The following PVT1 variants were observed in gnomAD, a reference collection of about 807,000 sequenced individuals.
PVT1 encodes CXCR4/PVT1 fusion.
At chr8:128,068,685 G>A (rs898674715) in intron 4 of PVT1, among the ~76,000 whole-genome samples, 22 of 152,010 alleles carry the variant, frequency 1.4e-4, no homozygotes, top group Admixed American at 2.6e-4. Context: ...TAGTAGAAAC[G>A]GTTTCACCAT....
At chr8:127,816,119 G>A (rs887646531) in intron 2 of PVT1, among the ~76,000 whole-genome samples, 3 of 93,260 alleles carry the variant, frequency 3.2e-5, no homozygotes, top group Non-Finnish European at 5.9e-5. Context: ...GTGAGACTCC[G>A]TCTCAACACA....
chr8:127,945,885 C>T (rs984527288), intron 3 of PVT1, among the ~76,000 whole-genome samples: 2 of 143,704 alleles, frequency 1.4e-5, no homozygotes, highest in Non-Finnish European at 3.0e-5. Context: ...TCACCGTCCC[C>T]AGTCAGCTCT....
chr8:127,958,062 A>G (rs1180240803), intron 3 of PVT1, among the ~76,000 whole-genome samples: 3 of 152,212 alleles, frequency 2.0e-5, no homozygotes, highest in African/African-American at 7.2e-5. Context: ...GGTGAGGTGA[A>G]GGGAACACGG....
intron 2 of PVT1, among the ~76,000 whole-genome samples, chr8:127,809,308 C>T (rs780176947): frequency 1.3e-5 from 2 of 152,178 alleles, no homozygotes; most frequent in Non-Finnish European, 2.9e-5. Flanking sequence ...CCTCCCACCT[C>T]AGCCTCCAGA....
At chr8:128,083,476 G>T (rs1421696354) in intron 5 of PVT1, among the ~76,000 whole-genome samples, 1 of 152,154 alleles carries the variant, frequency 6.6e-6, no homozygotes, top group Non-Finnish European at 1.5e-5. Context: ...CACAATGGTG[G>T]TTTCTTTTTG....
intron 2 of PVT1, among the ~76,000 whole-genome samples, chr8:127,816,595 C>G (rs910251782): frequency 2.0e-5 from 3 of 151,244 alleles, no homozygotes; most frequent in Non-Finnish European, 4.4e-5. Context: ...ATGATCTCGG[C>G]TAACTGTAAC....
At chr8:127,984,917 CTTTCTCTTTCTCTT>C (rs1445595517) in intron 3 of PVT1, among the ~76,000 whole-genome samples, 22 of 121,814 alleles carry the variant, frequency 1.8e-4, no homozygotes, top group Non-Finnish European at 2.5e-4. Context: ...TTCTTTCTTT[CTTTCTCTTTCTCTT>C]TCTTTCTTTC....
At chr8:128,060,862 A>G (rs903098787) in intron 4 of PVT1, among the ~76,000 whole-genome samples, 4 of 150,500 alleles carry the variant, frequency 2.7e-5, no homozygotes, top group African/African-American at 9.8e-5. Flanking sequence ...CCCTTTAGAT[A>G]TCACCTCCCA....
chr8:127,850,684 T>C (rs1247459788), intron 2 of PVT1, among the ~76,000 whole-genome samples: 1 of 152,226 alleles, frequency 6.6e-6, no homozygotes. Context: ...ACTGATTGGG[T>C]AACTGTGGAA....
chr8:127,914,339 T>G (rs543028210), intron 3 of PVT1, among the ~76,000 whole-genome samples: 15 of 133,812 alleles, frequency 1.1e-4, no homozygotes, highest in African/African-American at 4.1e-4. Flanking sequence ...TGTAGAGAAA[T>G]TGGAACCCTT....
rs148097151 is a variant in PVT1, at chr8:127,980,142, G to A, written n.783-9020G>A. On this transcript the variant is annotated intron_variant and non_coding_transcript_variant, in intron 3 of 10. Coordinates refer to ENST00000651587, the Ensembl canonical transcript of PVT1. ...AGCGATCTTCCTGCCTCGACCTCCT[G>A]AAGCGCTGGGATTATAGGTGTGAAC... 1.9e-3 allele frequency among the ~76,000 whole-genome samples: 288 copies of A among 152,162 alleles called. 1 individual carries two copies. Among genetic ancestry groups the A allele is most frequent in the African/African-American group, 6.6e-3 (275 of 41,508 alleles).
intron 3 of PVT1, among the ~76,000 whole-genome samples, chr8:127,896,775 C>T (rs921894374): frequency 1.2e-4 from 13 of 112,430 alleles, no homozygotes; most frequent in African/African-American, 4.9e-4. Context: ...TGCCTTTCCT[C>T]CCCCCCCCCG....
rs1554602084 is a variant in PVT1, at chr8:127,984,871, T to TTCTTTCTTTCTTTC, written n.783-4289_783-4276dup. ...TTTCTTTCTTTCTTTCTTTCTTTCT[T>TTCTTTCTTTCTTTC]TCTTTCTTTCTTTCTTTCTTTCTTT... On this transcript the variant is annotated intron_variant and non_coding_transcript_variant, in intron 3 of 10. Transcript: ENST00000651587. Among the ~76,000 whole-genome samples, 40 of 81,106 alleles carry TTCTTTCTTTCTTTC rather than the reference T, an allele frequency of 4.9e-4. 2 individuals carry two copies. Among genetic ancestry groups the TTCTTTCTTTCTTTC allele is most frequent in the African/African-American group, 1.0e-3 (25 of 24,188 alleles). The allele number at this position is 81,106 out of a possible 152,430, so 53.2% of individuals were successfully genotyped here.
In PVT1 at chr8:127,929,958, A is replaced by C. The variant is rs116302369; in HGVS notation, n.782+38960A>C. Among the ~76,000 whole-genome samples the C allele has an allele frequency of 5.4e-3, 824 of 152,268 alleles. 14 individuals carry two copies. Among genetic ancestry groups the C allele is most frequent in the African/African-American group, 0.019 (787 of 41,546 alleles). On this transcript the variant is annotated intron_variant and non_coding_transcript_variant, in intron 3 of 10. Coordinates refer to ENST00000651587, the Ensembl canonical transcript of PVT1. ...TGTCAGCTTCCTGATCTTCCTATAG[A>C]ACATGGTCCTAAGGGAGAATGTCTT... is the stretch of plus-strand genomic sequence containing the variant.
chr8:127,816,047 C>G (rs1263592053), intron 2 of PVT1, among the ~76,000 whole-genome samples: 1 of 152,156 alleles, frequency 6.6e-6, no homozygotes, highest in African/African-American at 2.4e-5. Context: ...TCTCTTGAAC[C>G]CGGGAGGCGG....
chr8:127,984,938 T>C (rs1816942054), intron 3 of PVT1, among the ~76,000 whole-genome samples: 1 of 147,592 alleles, frequency 6.8e-6, no homozygotes. Flanking sequence ...TCTTTCTTTC[T>C]TTCTTTCCCC....
chr8:127,876,030 C>G (rs1043356705), intron 2 of PVT1, among the ~76,000 whole-genome samples: 1 of 152,166 alleles, frequency 6.6e-6, no homozygotes, highest in Non-Finnish European at 1.5e-5. Context: ...CACCCTCCAC[C>G]CCCCCTCACC....
intron 2 of PVT1, chr8:127,890,504 C>A (rs1368615584): frequency 6.6e-6 from 1 of 152,226 alleles, no homozygotes; most frequent in Non-Finnish European, 1.5e-5. Flanking sequence ...CTGTTAGGGC[C>A]AAACACAAGG....
intron 4 of PVT1, among the ~76,000 whole-genome samples, chr8:128,037,021 C>T (rs1240368013): frequency 2.0e-5 from 3 of 152,206 alleles, no homozygotes; most frequent in African/African-American, 7.2e-5. Flanking sequence ...TTGAGATTCT[C>T]ACCAAATAGC....
Sources: allele counts gnomAD v4.1 joint callset (sites outside exome capture counted in the v4.1 genomes callset), GRCh38; gene constraint gnomAD v4.1.1; transcripts MANE v1.5; gene names NCBI Gene and HGNC (gene_info 2026-07-23, HGNC 2026-07-21).